PRSS38: variants seen among roughly 807,000 people sequenced by gnomAD.
PRSS38 encodes serine protease 38.
A neutral mutation model predicts 26.8 loss-of-function variants in PRSS38; 22 were observed. That is an observed-to-expected ratio of 0.82 (90% CI 0.59 to 1.17). The LOEUF (loss-of-function observed/expected upper bound fraction) is 1.17. Among genes scored for constraint, PRSS38 ranks in the 50% most tolerant of loss-of-function variants. The probability of loss-of-function intolerance (pLI) is 0.00; values close to 1 mark genes in which losing one functional copy is unlikely to be tolerated. For missense variants in PRSS38, 427 were observed against 422.7 expected (o/e 1.01, Z -0.09); for synonymous variants, 175 against 172.1 (o/e 1.02, Z -0.13).
chr1:227,844,706 A>G (rs1174993305), intron 3 of PRSS38, among the ~76,000 whole-genome samples: 3 of 115,660 alleles, frequency 2.6e-5, no homozygotes, highest in African/African-American at 1.1e-4. Flanking sequence ...TGTGGTCAGG[A>G]CTCCTCACTG....
At chr1:227,832,251 A>G (rs981407236) in intron 3 of PRSS38, among the ~76,000 whole-genome samples, 12 of 152,116 alleles carry the variant, frequency 7.9e-5, no homozygotes, top group Admixed American at 5.9e-4. Context: ...TCTAGTCTGG[A>G]AATCTCTGCC....
rs770075121 is a variant in PRSS38 at position 227,846,051 on chromosome 1, C to T, written c.824C>T (p.Pro275Leu). ...CGAGGCTGCTCCAACCCTCTGTACC[C>T]TGGAGTGTATGCCAGTGTTTCCTAT... The change falls in exon 5 of 5, where the codon CCT (proline) becomes CTT (leucine). Residue 275 changes from proline to leucine, a missense_variant. By Grantham distance (98) the Pro-to-Leu change is moderately conservative. Transcript: ENST00000366757. 14 of 1,614,236 alleles carry T rather than the reference C, an allele frequency of 8.7e-6. No homozygotes were observed. Among genetic ancestry groups the T allele is most frequent in the African/African-American group, 1.3e-5 (1 of 75,054 alleles).
At chr1:227,830,811 T>C (rs1572086009) in intron 3 of PRSS38, among the ~76,000 whole-genome samples, 1 of 152,178 alleles carries the variant, frequency 6.6e-6, no homozygotes, top group East Asian at 1.9e-4. Flanking sequence ...GGCCTTAAGG[T>C]ATCTAATTTG....
At chr1:227,834,369 T>C (rs748305460) in intron 3 of PRSS38, among the ~76,000 whole-genome samples, 42 of 152,084 alleles carry the variant, frequency 2.8e-4, no homozygotes, top group Non-Finnish European at 5.6e-4. Context: ...AACAAAAACA[T>C]GAGCATCAAA....
At chr1:227,845,764 G>A (rs570381922) in intron 4 of PRSS38, 152 bp downstream of exon 4, 25 of 1,195,544 alleles carry the variant, frequency 2.1e-5, no homozygotes, top group Admixed American at 9.0e-5. Context: ...TGTGAACGCC[G>A]CATGCCTGCA....
chr1:227,830,608 C>A (rs1323294576), intron 3 of PRSS38, among the ~76,000 whole-genome samples: 2 of 149,660 alleles, frequency 1.3e-5, no homozygotes, highest in Admixed American at 1.3e-4. Flanking sequence ...TCAAGCGATT[C>A]TCCTGCCTGA....
At chr1:227,822,365 G>T (rs567258567) in intron 3 of PRSS38, among the ~76,000 whole-genome samples, 2 of 151,684 alleles carry the variant, frequency 1.3e-5, no homozygotes, top group Non-Finnish European at 2.9e-5. Context: ...TCTTAAGTGG[G>T]CCATAGTTTT....
At chr1:227,823,478 G>A (rs1255553001) in intron 3 of PRSS38, among the ~76,000 whole-genome samples, 1 of 151,914 alleles carries the variant, frequency 6.6e-6, no homozygotes, top group Non-Finnish European at 1.5e-5. Flanking sequence ...GACATAGTTT[G>A]GATGTTTGTT....
At chr1:227,837,563 G>A (rs61827004) in intron 3 of PRSS38, among the ~76,000 whole-genome samples, 18,402 of 152,198 alleles carry the variant, frequency 0.12, 1,190 homozygotes, top group Non-Finnish European at 0.14. Flanking sequence ...GATACTTACT[G>A]TGCAAGTCTT....
chr1:227,846,119 C>A, exon 5 of PRSS38: 2 of 1,614,148 alleles, frequency 1.2e-6, no homozygotes, highest in Non-Finnish European at 1.7e-6. Flanking sequence ...CACGCCCACT[C>A]CTGCTCAGCC....
Position 227,845,467 on chromosome 1 carries a change from C to T in PRSS38, c.584-3C>T. On this transcript the variant is annotated splice_region_variant and splice_polypyrimidine_tract_variant and intron_variant, in intron 3 of 4. Transcript: ENST00000366757. ...CCCCCTCACGGGAGCCCTCCTCCCA[C>T]AGGTGAGACCTCAGACGAGCTGCAG... The T allele has an allele frequency of 6.2e-7, 1 of 1,608,322 alleles. No homozygotes were observed. Among genetic ancestry groups the T allele is most frequent in the Non-Finnish European group, 8.5e-7 (1 of 1,178,420 alleles).
At chr1:227,833,694 C>A (rs1050361723) in intron 3 of PRSS38, among the ~76,000 whole-genome samples, 20 of 152,116 alleles carry the variant, frequency 1.3e-4, no homozygotes, top group African/African-American at 4.6e-4. Context: ...ATGAAGGTGC[C>A]AAGTCCATTC....
chr1:227,826,026 C>T (rs1236289480), intron 3 of PRSS38, among the ~76,000 whole-genome samples: 1 of 152,044 alleles, frequency 6.6e-6, no homozygotes, highest in East Asian at 1.9e-4. Context: ...TGGAATGTTT[C>T]TCCGTTTGTT....
chr1:227,833,657 T>G (rs1665195459), intron 3 of PRSS38, among the ~76,000 whole-genome samples: 1 of 152,154 alleles, frequency 6.6e-6, no homozygotes, highest in African/African-American at 2.4e-5. Flanking sequence ...AATTGAGAGT[T>G]CAGAATCACT....
At chr1:227,818,604 G>C (rs900590916) in intron 3 of PRSS38, among the ~76,000 whole-genome samples, 4 of 139,208 alleles carry the variant, frequency 2.9e-5, no homozygotes, top group Non-Finnish European at 3.0e-5. Context: ...CTTGATCCCA[G>C]AAGGTCAAGG....
chr1:227,840,960 C>T (rs1022132132), intron 3 of PRSS38, among the ~76,000 whole-genome samples: 1 of 152,226 alleles, frequency 6.6e-6, no homozygotes, highest in Non-Finnish European at 1.5e-5. Context: ...TGCTGCTAGC[C>T]ACCAGCTTCC....
chr1:227,846,159 C>T, exon 5 of PRSS38: 2 of 1,613,388 alleles, frequency 1.2e-6, no homozygotes, highest in Non-Finnish European at 1.7e-6. Context: ...GCTCTGGGGC[C>T]CACTCTCAGC....
intron 3 of PRSS38, among the ~76,000 whole-genome samples, chr1:227,821,579 T>A (rs1480159405): frequency 6.6e-6 from 1 of 152,170 alleles, no homozygotes. Flanking sequence ...AATTTCTCCC[T>A]CATTTCTGAA....
chr1:227,843,117 T>C (rs1213360987), intron 3 of PRSS38, among the ~76,000 whole-genome samples: 1 of 152,164 alleles, frequency 6.6e-6, no homozygotes, highest in Non-Finnish European at 1.5e-5. Flanking sequence ...ATGAGACATG[T>C]GTAGCCTTCT....
Sources: allele counts gnomAD v4.1 joint callset (sites outside exome capture counted in the v4.1 genomes callset), GRCh38; gene constraint gnomAD v4.1.1; transcripts MANE v1.5; gene names NCBI Gene and HGNC (gene_info 2026-07-23, HGNC 2026-07-21).